Variants in SET observed in about 807,000 individuals in gnomAD.
The protein encoded by SET is protein SET.
Under a neutral mutation model 39.0 loss-of-function variants are expected in SET, and 4 were observed. The observed-to-expected ratio is 0.10, with a 90% confidence interval of 0.05 to 0.23. The LOEUF is 0.23. SET is among the 10% of genes least tolerant of loss of function. The pLI is 1.00. For missense variants in SET, 137 were observed against 329.7 expected (o/e 0.42, Z 4.53); for synonymous variants, 114 against 115.9 (o/e 0.98, Z 0.11).
upstream of SET, among the ~76,000 whole-genome samples, chr9:128,687,054 G>A (rs1357429113): frequency 6.6e-6 from 1 of 152,268 alleles, no homozygotes. Flanking sequence ...TCTGTCACTT[G>A]CAACAAAGTT....
rs781268551 is a variant in SET, at chr9:128,691,054, C to T, written c.74-116C>T. The T allele has an allele frequency of 1.1e-5, 9 of 814,604 alleles. No individual in the cohort carries two copies. In the Admixed American group the frequency reaches 1.3e-4, roughly 11 times the overall value. 50.5% of individuals were successfully genotyped at this position (814,604 alleles called of 1,614,324 possible). ...AAGCATGAACATGTGGAACGCTTGC[C>T]TTTGTACTAGGCGTTTTTGTTTTTG... On this transcript the variant is annotated intron_variant, in intron 1 of 7. Coordinates refer to ENST00000322030, the MANE Select transcript of SET (RefSeq NM_003011.4).
Position 128,691,308 on chromosome 9 carries a change from A to G in SET, c.131+81A>G, listed in dbSNP as rs540132943. ...CGGTAATTATCGAAGCTATGGTCAA[A>G]TCTATCCACTGTCAAAGGGGAAATG... On this transcript the variant is annotated intron_variant, in intron 2 of 7. Coordinates refer to ENST00000322030, the MANE Select transcript of SET (RefSeq NM_003011.4). 2.0e-4 allele frequency: 170 copies of G among 856,478 alleles called. 1 individual carries two copies. Among genetic ancestry groups the G allele is most frequent in the Admixed American group, 1.3e-3 (58 of 44,478 alleles). 53.1% of individuals were successfully genotyped at this position (856,478 alleles called of 1,614,324 possible). A position where few individuals can be genotyped will look rare whatever the true frequency, so the allele number is the denominator to read the frequency against.
chr9:128,690,398 C>T (rs1006895502), intron 1 of SET: 2 of 152,554 alleles, frequency 1.3e-5, no homozygotes, highest in Non-Finnish European at 2.9e-5. Flanking sequence ...GGAAATGAAC[C>T]GCGCGATCTG....
At chr9:128,694,569 G>A (rs1029932632) in intron 7 of SET, 72 bp from the exon 8 acceptor site, 5 of 1,017,142 alleles carry the variant, frequency 4.9e-6, no homozygotes, top group Non-Finnish European at 7.4e-6. Flanking sequence ...CACTCGTGGG[G>A]TCCATTGTGG....
At chr9:128,693,076 C>T in intron 5 of SET, 95 bp downstream of exon 5, 1 of 800,406 alleles carries the variant, frequency 1.2e-6, no homozygotes, top group Non-Finnish European at 2.0e-6. Flanking sequence ...GGTCATGTGG[C>T]TAAATACAAA....
At position 128,693,655 on chromosome 9, in the gene SET, G is replaced by A. The variant is rs764082920; in HGVS notation, c.510G>A (p.Ser170=). Residue 170 remains serine, a synonymous_variant, in exon 6 of 8, where the codon TCG becomes TCA. Transcript: ENST00000322030. ...TCATTTAGGATTTGACGAAACGTTCGAGTCAAACGCAGAATAAAGCCAGCA... is the reference window on the plus strand; with the variant it reads ...TCATTTAGGATTTGACGAAACGTTCAAGTCAAACGCAGAATAAAGCCAGCA... ...WKSGKDLTKR[S]SQTQNKASRK... is the part of the protein sequence containing the mutation. 6.2e-6 allele frequency: 10 copies of A among 1,611,912 alleles called. No homozygotes were observed. Among genetic ancestry groups the A allele is most frequent in the Admixed American group, 3.4e-5 (2 of 59,424 alleles).
At chr9:128,694,251 G>GT (rs1265088006) in intron 7 of SET, among the ~76,000 whole-genome samples, 1 of 151,784 alleles carries the variant, frequency 6.6e-6, no homozygotes, top group Non-Finnish European at 1.5e-5. Flanking sequence ...TTTTTTTTGG[G>GT]TTTTTTTGGT....
intron 1 of SET, chr9:128,689,970 C>A: frequency 1.1e-6 from 1 of 909,518 alleles, no homozygotes; most frequent in Non-Finnish European, 1.3e-6. Flanking sequence ...AGAAGCCTCT[C>A]TTTATTGTGC....
chr9:128,692,508 G>A (rs578053851), intron 3 of SET, 154 bp from the exon 4 acceptor site: 84 of 548,908 alleles, frequency 1.5e-4, no homozygotes, highest in Non-Finnish European at 2.2e-4. Context: ...GAAAGATAGT[G>A]ACAGTCTGAT....
upstream of SET, chr9:128,683,575 T>G: frequency 3.5e-6 from 1 of 283,174 alleles, no homozygotes; most frequent in African/African-American, 2.2e-5. Context: ...CTGCGGGGGT[T>G]TCACGTGAAA....
rs749084361 is a variant in SET at position 128,689,560 on chromosome 9, C to A, written c.-23C>A. On this transcript the variant is annotated 5_prime_UTR_variant, in exon 1 of 8. Coordinates refer to ENST00000322030, the MANE Select transcript of SET (RefSeq NM_003011.4). ...TCCCTTCTCTCCCCCTCCCCGCTCCCCCCCCGACCGCGGAGCAGCACCATG... is the reference window on the plus strand; with the variant it reads ...TCCCTTCTCTCCCCCTCCCCGCTCCACCCCCGACCGCGGAGCAGCACCATG... 3 of 1,327,330 alleles carry A rather than the reference C, an allele frequency of 2.3e-6. No individual in the cohort carries two copies. Among genetic ancestry groups the A allele is most frequent in the Admixed American group, 2.6e-5 (1 of 38,248 alleles). The allele number at this position is 1,327,330 out of a possible 1,614,324, so 82.2% of individuals were successfully genotyped here.
At position 128,689,958 on chromosome 9, in the gene SET, C is replaced by A; in HGVS notation, c.73+303C>A. On this transcript the variant is annotated intron_variant, in intron 1 of 7. Transcript: ENST00000322030. ...CGCTCTCCTCCCCCTCCCTCCCTCC[C>A]GAGAAGCCTCTCTTTATTGTGCTCC... The A allele has an allele frequency of 4.7e-6, 4 of 846,626 alleles. No individual in the cohort carries two copies. The South Asian group carries it at 1.4e-4, about 29-fold the overall frequency. 52.4% of individuals were successfully genotyped at this position (846,626 alleles called of 1,614,324 possible).
In SET at chr9:128,696,160, G is replaced by A. The variant is rs1185747416; in HGVS notation, c.*1496G>A. On this transcript the variant is annotated 3_prime_UTR_variant, in exon 8 of 8. Coordinates refer to ENST00000322030, the MANE Select transcript of SET (RefSeq NM_003011.4). ...CTTTTTAATGCTGTAAAATATAGTCGCTGAAATTAAATGCCACTTTTTCAG... is the reference window on the plus strand; with the variant it reads ...CTTTTTAATGCTGTAAAATATAGTCACTGAAATTAAATGCCACTTTTTCAG... 2.3e-5 allele frequency: 5 copies of A among 213,832 alleles called. No individual in the cohort carries two copies. Among genetic ancestry groups the A allele is most frequent in the African/African-American group, 6.7e-5 (3 of 44,512 alleles). The allele number at this position is 213,832 out of a possible 1,614,324, so 13.2% of individuals were successfully genotyped here. A position where few individuals can be genotyped will look rare whatever the true frequency, so the allele number is the denominator to read the frequency against.
chr9:128,693,598 T>G (rs377340566), intron 5 of SET, 40 bp from the exon 6 acceptor site: 2 of 1,549,630 alleles, frequency 1.3e-6, no homozygotes, highest in Non-Finnish European at 1.7e-6. Flanking sequence ...TTGGGTGTTA[T>G]GGAGAGATTG....
chr9:128,688,867 G>T (rs908990125), upstream of SET, among the ~76,000 whole-genome samples: 1 of 152,132 alleles, frequency 6.6e-6, no homozygotes, highest in African/African-American at 2.4e-5. Context: ...TGCACTTTCG[G>T]GGTGGTGGGC....
chr9:128,689,718 A>G (rs1232777317), intron 1 of SET, 63 bp downstream of exon 1: 2 of 370,464 alleles, frequency 5.4e-6, no homozygotes, highest in Non-Finnish European at 7.4e-6. Context: ...CCCGGCCCGC[A>G]GGCCGCCGGC....
chr9:128,691,550 TTATTTAGAAATCGCGCTTG>T (rs749643986), intron 2 of SET, among the ~76,000 whole-genome samples: 1 of 152,230 alleles, frequency 6.6e-6, no homozygotes, highest in Non-Finnish European at 1.5e-5. Flanking sequence ...ATTAGCCACT[TTATTTAGAAATCGCGCTTG>T]AGGGAAACAA....
In SET at chr9:128,693,793, A is replaced by G. The variant is rs1861627331; in HGVS notation, c.648A>G (p.Pro216=). 1 of 1,613,318 alleles carries G rather than the reference A, an allele frequency of 6.2e-7. No individual in the cohort carries two copies. The change falls in exon 6 of 8, where the codon CCA becomes CCG. Residue 216 remains proline (P), a synonymous_variant. Transcript: ENST00000322030. ...EVIKDDIWPN[P]LQYYLVPDMD... ...TCAAAGATGATATTTGGCCAAACCCATTACAGTACTACTTGGTGAGTTCTA... is the reference window on the plus strand; with the variant it reads ...TCAAAGATGATATTTGGCCAAACCCGTTACAGTACTACTTGGTGAGTTCTA...
chr9:128,692,041 T>G (rs1861554979), intron 3 of SET, 41 bp downstream of exon 3: 1 of 1,600,890 alleles, frequency 6.2e-7, no homozygotes, highest in African/African-American at 1.3e-5. Flanking sequence ...TAAACAGTGT[T>G]TGTTAGAATG....
Sources: allele counts gnomAD v4.1 joint callset (sites outside exome capture counted in the v4.1 genomes callset), GRCh38; gene constraint gnomAD v4.1.1; transcripts MANE v1.5; gene names NCBI Gene and HGNC (gene_info 2026-07-23, HGNC 2026-07-21).